DYRK1A: variants seen among roughly 807,000 people sequenced by gnomAD.
DYRK1A encodes the protein dual specificity tyrosine-phosphorylation-regulated kinase 1A.
DYRK1A carries 9 observed loss-of-function variants against 79.7 expected under a neutral mutation model. The ratio of observed to expected loss-of-function variants is 0.11; its 90% CI spans 0.07 to 0.20. DYRK1A has a LOEUF of 0.20. Among genes scored for constraint, DYRK1A ranks in the 10% least tolerant of loss-of-function variants. The pLI, the probability that DYRK1A is intolerant of heterozygous loss-of-function variation, is 1.00. For synonymous variants in DYRK1A, 349 were observed against 329.7 expected, an observed-to-expected ratio of 1.06 and a Z score of -0.63; for missense variants, 622 against 956.0, an observed-to-expected ratio of 0.65 and a Z score of 4.61.
Position 37,525,656 on chromosome 21 carries a change from C to T in DYRK1A, c.*13125C>T, listed in dbSNP as rs2053962941. On this transcript the variant is annotated 3_prime_UTR_variant, in exon 12 of 12. Transcript: ENST00000647188. Reference sequence around the variant, plus strand: ...ATTGTATTATTTAAGTCAACAGATACTTTGTGAGAAATATTTGAATCTATC... The same window carrying T: ...ATTGTATTATTTAAGTCAACAGATATTTTGTGAGAAATATTTGAATCTATC... 1 of 152,172 alleles carries T rather than the reference C, an allele frequency of 6.6e-6. No individual in the cohort carries two copies. Among genetic ancestry groups the T allele is most frequent in the Non-Finnish European group, 1.5e-5 (1 of 68,030 alleles). The allele number at this position is 152,172 out of a possible 1,614,324, so 9.4% of individuals were successfully genotyped here.
chr21:37,509,392 G>A (rs1051013520), intron 11 of DYRK1A, among the ~76,000 whole-genome samples: 7 of 152,230 alleles, frequency 4.6e-5, no homozygotes, highest in African/African-American at 1.7e-4. Flanking sequence ...ACAGTATCCC[G>A]TTGTTTAGAT....
At chr21:37,440,559 A>G (rs182248239) in intron 2 of DYRK1A, among the ~76,000 whole-genome samples, 390 of 152,340 alleles carry the variant, frequency 2.6e-3, no homozygotes, top group Middle Eastern at 6.8e-3. Flanking sequence ...TCTTAGCTGT[A>G]TCAAAAATTT....
intron 9 of DYRK1A, 95 bp from the exon 10 acceptor site, chr21:37,505,188 C>T (rs1220137729): frequency 3.5e-5 from 37 of 1,044,228 alleles, no homozygotes; most frequent in Non-Finnish European, 4.9e-5. Flanking sequence ...ATAAAGGCCT[C>T]AACATATATA....
At chr21:37,431,216 A>C (rs2050766304) in intron 2 of DYRK1A, among the ~76,000 whole-genome samples, 1 of 152,174 alleles carries the variant, frequency 6.6e-6, no homozygotes, top group South Asian at 2.1e-4. Context: ...CCTCCTTCCC[A>C]GCTTGGGAAA....
At chr21:37,439,207 A>G (rs1276185763) in intron 2 of DYRK1A, among the ~76,000 whole-genome samples, 2 of 152,144 alleles carry the variant, frequency 1.3e-5, no homozygotes, top group African/African-American at 4.8e-5. Context: ...CACATTTTCT[A>G]TCTAGATAAT....
chr21:37,386,854 C>A lies in DYRK1A; in HGVS notation c.-77+19226C>A, dbSNP rs1416615035. Among the ~76,000 whole-genome samples the A allele has an allele frequency of 3.3e-5, 5 of 152,190 alleles. 1 individual carries two copies. The South Asian group carries it at 8.3e-4, about 25-fold the overall frequency. On this transcript the variant is annotated intron_variant, in intron 1 of 11. Transcript: ENST00000647188. Reference sequence around the variant, plus strand: ...GGAGTTGGATTCAGATGCAACAGTGCCCATGGGAAGAAGGGAAGATTATTT... The same window carrying A: ...GGAGTTGGATTCAGATGCAACAGTGACCATGGGAAGAAGGGAAGATTATTT...
chr21:37,476,168 G>A (rs1052249884), intron 3 of DYRK1A, among the ~76,000 whole-genome samples: 17 of 152,092 alleles, frequency 1.1e-4, no homozygotes, highest in Non-Finnish European at 4.4e-5. Context: ...CGGACCACCC[G>A]GATGGTGATT....
chr21:37,513,910 A>G lies in DYRK1A; in HGVS notation c.*1379A>G, dbSNP rs990134570. 6.5e-6 allele frequency: 1 copy of G among 152,692 alleles called. No individual in the cohort carries two copies. Among genetic ancestry groups the G allele is most frequent in the Non-Finnish European group, 1.5e-5 (1 of 68,048 alleles). The allele number at this position is 152,692 out of a possible 1,614,324, so 9.5% of individuals were successfully genotyped here. ...CACAAGGTGTAACTAGACCATTTTT[A>G]AATGTCAGTTGAAAATTATGGCTGT... On this transcript the variant is annotated 3_prime_UTR_variant, in exon 12 of 12. Transcript: ENST00000647188.
intron 1 of DYRK1A, among the ~76,000 whole-genome samples, chr21:37,374,692 A>G (rs13052071): frequency 6.6e-6 from 1 of 152,016 alleles, no homozygotes; most frequent in East Asian, 1.9e-4. Context: ...AGCTGGGACC[A>G]CAGGCGCCTG....
At chr21:37,380,297 A>C (rs2049630826) in intron 1 of DYRK1A, among the ~76,000 whole-genome samples, 1 of 152,192 alleles carries the variant, frequency 6.6e-6, no homozygotes, top group South Asian at 2.1e-4. Flanking sequence ...TTCGTTATTG[A>C]GAGACATTGC....
At chr21:37,457,124 C>T (rs1355224388) in intron 2 of DYRK1A, among the ~76,000 whole-genome samples, 2 of 151,942 alleles carry the variant, frequency 1.3e-5, no homozygotes, top group African/African-American at 4.8e-5. Context: ...GGCTGGAGTG[C>T]AGTAGCACGA....
In DYRK1A at chr21:37,442,428, T is replaced by C. The variant is rs140645774; in HGVS notation, c.10+22044T>C. 4.6e-5 allele frequency among the ~76,000 whole-genome samples: 7 copies of C among 152,328 alleles called. No individual in the cohort carries two copies. The East Asian group carries it at 1.2e-3, about 25-fold the overall frequency. On this transcript the variant is annotated intron_variant, in intron 2 of 11. Transcript: ENST00000647188. ...CTGTTTTGACATCCAATTTCAGTTG[T>C]TGAGTACTCATTTGGAATTCTGAGG...
chr21:37,497,577 T>A (rs1163139566), intron 9 of DYRK1A, among the ~76,000 whole-genome samples: 1 of 152,214 alleles, frequency 6.6e-6, no homozygotes, highest in African/African-American at 2.4e-5. Flanking sequence ...ATTAAATCTT[T>A]TTTATGTTGT....
intron 2 of DYRK1A, among the ~76,000 whole-genome samples, chr21:37,423,035 A>G (rs1439246059): frequency 6.6e-6 from 1 of 152,154 alleles, no homozygotes; most frequent in African/African-American, 2.4e-5. Flanking sequence ...TTTGCTTTGT[A>G]CCAGGTACTA....
chr21:37,442,062 T>C (rs542250835), intron 2 of DYRK1A, among the ~76,000 whole-genome samples: 2 of 152,082 alleles, frequency 1.3e-5, no homozygotes, highest in African/African-American at 2.4e-5. Context: ...ATCTGCTCTC[T>C]CGCATTGTTT....
rs949180436 is a variant in DYRK1A, at chr21:37,522,116, C to G, written c.*9585C>G. The G allele has an allele frequency of 6.6e-6, 1 of 152,154 alleles. No homozygotes were observed. The highest frequency in any genetic ancestry group is 6.5e-5 in the Admixed American group (1 of 15,276). 9.4% of individuals were successfully genotyped at this position (152,154 alleles called of 1,614,324 possible). A position where few individuals can be genotyped will look rare whatever the true frequency, so the allele number is the denominator to read the frequency against. On this transcript the variant is annotated 3_prime_UTR_variant, in exon 12 of 12. Transcript: ENST00000647188. ...AAAATTAACATCATTGCAGCTTCCT[C>G]AGCCCTAGGATGGTTTTTAGATCTA... is the stretch of plus-strand genomic sequence containing the variant.
chr21:37,419,920 A>G (rs2050431906), intron 1 of DYRK1A: 1 of 152,796 alleles, frequency 6.5e-6, no homozygotes, highest in African/African-American at 2.4e-5. Flanking sequence ...GTAAACTACT[A>G]TGAAAGTGAA....
intron 4 of DYRK1A, among the ~76,000 whole-genome samples, chr21:37,479,600 G>GTTTTTT (rs1569362052): frequency 1.8e-4 from 4 of 22,782 alleles, no homozygotes; most frequent in South Asian, 1.5e-3. Flanking sequence ...TTTTGTTTTT[G>GTTTTTT]TTTTTGTTTT....
intron 5 of DYRK1A, among the ~76,000 whole-genome samples, chr21:37,482,863 A>C (rs368375626): frequency 6.6e-6 from 1 of 152,098 alleles, no homozygotes; most frequent in East Asian, 1.9e-4. Flanking sequence ...TATTTCTCCC[A>C]TTTGCTTTTG....
Sources: gnomAD v4.1 joint callset for allele counts (sites outside exome capture counted in the v4.1 genomes callset) on GRCh38, gnomAD v4.1.1 for gene constraint, MANE v1.5 for transcripts, NCBI Gene and HGNC (gene_info 2026-07-23, HGNC 2026-07-21) for gene names.